Variants in OSBPL9 observed in about 807,000 individuals in gnomAD.
OSBPL9 encodes oxysterol-binding protein-related protein 9.
Under a neutral mutation model 106.6 loss-of-function variants are expected in OSBPL9, and 40 were observed. The ratio of observed to expected loss-of-function variants is 0.38; its 90% CI spans 0.29 to 0.49. The LOEUF (loss-of-function observed/expected upper bound fraction) is 0.49. OSBPL9 is among the 20% of genes least tolerant of loss of function. The pLI is 0.97. For synonymous variants in OSBPL9, 269 were observed against 295.4 expected, an observed-to-expected ratio of 0.91 and a Z score of 0.92; for missense variants, 609 against 887.2, an observed-to-expected ratio of 0.69 and a Z score of 3.98.
At chr1:51,747,410 A>G (rs531919952) in intron 6 of OSBPL9, among the ~76,000 whole-genome samples, 2 of 152,376 alleles carry the variant, frequency 1.3e-5, no homozygotes, top group South Asian at 4.1e-4. Flanking sequence ...AATGTTCAGA[A>G]TAAATAAAAA....
chr1:51,545,206 C>A, the OSBPL9 span, among the ~76,000 whole-genome samples: 1 of 152,100 alleles, frequency 6.6e-6, no homozygotes, highest in Non-Finnish European at 1.5e-5. Context: ...CAAATGTGAA[C>A]TGGGTTGCGA....
chr1:51,582,611 T>C (rs752006271), intron 1 of OSBPL9, among the ~76,000 whole-genome samples: 1 of 152,100 alleles, frequency 6.6e-6, no homozygotes, highest in Non-Finnish European at 1.5e-5. Context: ...ATTACAGGTG[T>C]GAGCAACCAC....
At chr1:51,740,296 A>G (rs1041044801) in intron 4 of OSBPL9, 2 of 1,365,226 alleles carry the variant, frequency 1.5e-6, no homozygotes, top group Non-Finnish European at 9.5e-7. Flanking sequence ...CAAATTGCTA[A>G]TTGTGAACAT....
At chr1:51,574,878 TTC>T (rs1262453433), upstream of OSBPL9, among the ~76,000 whole-genome samples, 8 of 152,256 alleles carry the variant, frequency 5.3e-5, no homozygotes, top group African/African-American at 1.9e-4. Flanking sequence ...ATTTACCCTG[TTC>T]TGTTTCTTAA....
chr1:51,780,003 G>C (rs1211121571), intron 15 of OSBPL9, among the ~76,000 whole-genome samples: 2 of 151,658 alleles, frequency 1.3e-5, no homozygotes, highest in Non-Finnish European at 2.9e-5. Flanking sequence ...GCGTGAACCC[G>C]GCAGGTGGAG....
chr1:51,616,825 T>C (rs184704265), upstream of OSBPL9: 58 of 300,272 alleles, frequency 1.9e-4, 1 homozygote, highest in East Asian at 3.4e-3. Context: ...AGTAAAATTA[T>C]TTATTAATAT....
At chr1:51,640,322 A>AT (rs1186985336) in intron 1 of OSBPL9, among the ~76,000 whole-genome samples, 17 of 152,198 alleles carry the variant, frequency 1.1e-4, no homozygotes, top group African/African-American at 4.1e-4. Context: ...TTATGAGTTA[A>AT]TTTTTAAACT....
At chr1:51,599,533 C>A (rs1276462923) in intron 2 of OSBPL9, among the ~76,000 whole-genome samples, 3 of 151,964 alleles carry the variant, frequency 2.0e-5, no homozygotes, top group Non-Finnish European at 4.4e-5. Flanking sequence ...TTTAGAATAT[C>A]ATGCTTAGAT....
At chr1:51,658,330 A>G (rs1646940181) in intron 2 of OSBPL9, among the ~76,000 whole-genome samples, 1 of 152,038 alleles carries the variant, frequency 6.6e-6, no homozygotes, top group Non-Finnish European at 1.5e-5. Flanking sequence ...GTACTCAAAC[A>G]CGGTGTTTGG....
the OSBPL9 span, among the ~76,000 whole-genome samples, chr1:51,530,170 C>CAAAA: frequency 5.9e-3 from 65 of 11,002 alleles, 8 homozygotes; most frequent in African/African-American, 0.012. Flanking sequence ...GACTCTGTCT[C>CAAAA]AAAAAAAAAA....
Position 51,755,645 on chromosome 1 carries a change from G to A in OSBPL9, c.544-675G>A, listed in dbSNP as rs368359606. On this transcript the variant is annotated intron_variant, in intron 8 of 23. Transcript: ENST00000428468. ...AACTCTGCACTGTGTACTGTGTTGC[G>A]AGATGGTTTTTGCCCAACTGTAGGC... Among the ~76,000 whole-genome samples the A allele has an allele frequency of 2.9e-4, 44 of 152,308 alleles. 1 individual carries two copies. The South Asian group carries it at 7.7e-3, about 27-fold the overall frequency.
chr1:51,669,865 T>C, intron 3 of OSBPL9: 1 of 471,230 alleles, frequency 2.1e-6, no homozygotes, highest in Non-Finnish European at 4.2e-6. Context: ...GCATGAAGAG[T>C]CTAAAGACTG....
chr1:51,583,616 G>A (rs1303583773), intron 1 of OSBPL9: 1 of 152,160 alleles, frequency 6.6e-6, no homozygotes, highest in African/African-American at 2.4e-5. Context: ...TATTCGGTTC[G>A]GGCATCAGTC....
chr1:51,580,714 C>A (rs538254024), intron 1 of OSBPL9, among the ~76,000 whole-genome samples: 2 of 151,362 alleles, frequency 1.3e-5, no homozygotes, highest in East Asian at 3.9e-4. Context: ...GAGAGGCAGG[C>A]AAATAAATTA....
intron 14 of OSBPL9, among the ~76,000 whole-genome samples, chr1:51,775,480 C>T (rs1674844251): frequency 6.6e-6 from 1 of 152,144 alleles, no homozygotes; most frequent in African/African-American, 2.4e-5. Flanking sequence ...CATGATCTTT[C>T]CTTGAACTGA....
rs185396764 is a variant in OSBPL9, at chr1:51,735,790, G to A, written c.319-9746G>A. The stretch of plus-strand genomic sequence containing the variant: ...AGGATAAGATTTAGTGTGAGATAAC[G>A]AGTTTTTAGAGAGACAAGAAGATTG... On this transcript the variant is annotated intron_variant, in intron 4 of 23. Transcript: ENST00000428468. Among the ~76,000 whole-genome samples, 11 of 152,290 alleles carry A rather than the reference G, an allele frequency of 7.2e-5. No individual in the cohort carries two copies. In the East Asian group the frequency reaches 2.1e-3, roughly 29 times the overall value.
At chr1:51,534,410 C>T in the OSBPL9 span, among the ~76,000 whole-genome samples, 3 of 152,168 alleles carry the variant, frequency 2.0e-5, no homozygotes, top group African/African-American at 4.8e-5. Flanking sequence ...AATGTTCTGT[C>T]ACATGCTCAT....
chr1:51,720,106 T>C (rs764151841), intron 4 of OSBPL9, among the ~76,000 whole-genome samples: 7 of 152,200 alleles, frequency 4.6e-5, no homozygotes, highest in Non-Finnish European at 1.0e-4. Flanking sequence ...AGTAGTATGT[T>C]GTGCCAGTTT....
intron 4 of OSBPL9, among the ~76,000 whole-genome samples, chr1:51,718,037 T>C (rs1661388206): frequency 2.0e-5 from 3 of 152,222 alleles, no homozygotes; most frequent in Admixed American, 1.3e-4. Flanking sequence ...TGAAAAAGAA[T>C]GAAATCCTGT....
Sources: gnomAD v4.1 joint callset for allele counts (sites outside exome capture counted in the v4.1 genomes callset) on GRCh38, gnomAD v4.1.1 for gene constraint, MANE v1.5 for transcripts, NCBI Gene and HGNC (gene_info 2026-07-23, HGNC 2026-07-21) for gene names.